PAK1: variants seen among roughly 807,000 people sequenced by gnomAD.
The protein encoded by PAK1 is p21 (RAC1) activated kinase 1.
A neutral mutation model predicts 67.4 loss-of-function variants in PAK1; 29 were observed. That is an observed-to-expected ratio of 0.43 (90% confidence interval 0.32 to 0.59). PAK1 has a LOEUF of 0.59. Among genes scored for constraint, PAK1 ranks in the 20% least tolerant of loss-of-function variants. The probability of loss-of-function intolerance (pLI) is 0.07; values close to 1 mark genes in which losing one functional copy is unlikely to be tolerated. For missense variants in PAK1, 337 were observed against 670.7 expected, an observed-to-expected ratio of 0.50 and a Z score of 5.50; for synonymous variants, 223 against 237.4, an observed-to-expected ratio of 0.94 and a Z score of 0.56.
the PAK1 span, among the ~76,000 whole-genome samples, chr11:77,498,262 A>G: frequency 4.9e-3 from 752 of 152,342 alleles, 5 homozygotes; most frequent in Non-Finnish European, 8.5e-3. Flanking sequence ...AACTTTCTGA[A>G]CTATCGTTCT....
chr11:77,416,869 T>TGTGAAACCAGGAGGCGGAGCTTGCA (rs1565688010), intron 1 of PAK1, among the ~76,000 whole-genome samples: 2 of 151,674 alleles, frequency 1.3e-5, no homozygotes, highest in African/African-American at 4.9e-5. Context: ...AGGAGAATGG[T>TGTGAAACCAGGAGGCGGAGCTTGCA]GTGAAACCAG....
intron 1 of PAK1, among the ~76,000 whole-genome samples, chr11:77,420,616 T>A (rs1003992144): frequency 6.6e-6 from 1 of 151,510 alleles, no homozygotes; most frequent in African/African-American, 2.4e-5. Flanking sequence ...GTATCAACTA[T>A]ACCTTCAAAA....
chr11:77,509,919 C>T, the PAK1 span, among the ~76,000 whole-genome samples: 3 of 152,148 alleles, frequency 2.0e-5, no homozygotes, highest in African/African-American at 4.8e-5. Flanking sequence ...TATAAGTTAC[C>T]CAGTCTCAGG....
chr11:77,328,941 A>T (rs552550709), intron 14 of PAK1, among the ~76,000 whole-genome samples: 3 of 152,332 alleles, frequency 2.0e-5, no homozygotes, highest in Admixed American at 2.0e-4. Flanking sequence ...ATCAAAAATG[A>T]TAAAGGGGAG....
At chr11:77,376,066 A>G (rs1249909400) in intron 4 of PAK1, among the ~76,000 whole-genome samples, 1 of 152,226 alleles carries the variant, frequency 6.6e-6, no homozygotes, top group Admixed American at 6.5e-5. Flanking sequence ...TTTCTTGTCC[A>G]AAAGACTATA....
chr11:77,369,478 C>T (rs142974986), intron 5 of PAK1, among the ~76,000 whole-genome samples: 4 of 117,372 alleles, frequency 3.4e-5, no homozygotes, highest in South Asian at 2.8e-4. Flanking sequence ...GATGGAGTCT[C>T]GCTTCGTCAC....
intron 1 of PAK1, among the ~76,000 whole-genome samples, chr11:77,403,908 TGA>T (rs1953067650): frequency 1.3e-5 from 2 of 152,210 alleles, no homozygotes; most frequent in African/African-American, 4.8e-5. Context: ...TCTGGCCTCA[TGA>T]ATGGATTAAT....
At chr11:77,416,332 A>G (rs1433196480) in intron 1 of PAK1, among the ~76,000 whole-genome samples, 1 of 152,090 alleles carries the variant, frequency 6.6e-6, no homozygotes, top group Admixed American at 6.5e-5. Context: ...ACATAAACAC[A>G]CACTTTAGTC....
chr11:77,362,260 C>T (rs1946892891), intron 5 of PAK1, among the ~76,000 whole-genome samples: 1 of 152,162 alleles, frequency 6.6e-6, no homozygotes, highest in South Asian at 2.1e-4. Flanking sequence ...TTCTTTGTAA[C>T]TACTTTGTAA....
rs553447545 is a variant in PAK1 at position 77,466,811 on chromosome 11, T to C, written c.-22+6741A>G. On this transcript the variant is annotated intron_variant, in intron 1 of 14. Transcript: ENST00000356341. ...AGAAAAAGCATGATGAACTAAACAATCATAAGAACCTGGCTTCAGATCTTA... is the reference window on the plus strand; with the variant it reads ...AGAAAAAGCATGATGAACTAAACAACCATAAGAACCTGGCTTCAGATCTTA... Among the ~76,000 whole-genome samples, 3 of 152,206 alleles carry C rather than the reference T, an allele frequency of 2.0e-5. No individual in the cohort carries two copies. The South Asian group carries it at 6.2e-4, about 32-fold the overall frequency.
chr11:77,331,044 T>C (rs1185873551), intron 14 of PAK1, among the ~76,000 whole-genome samples: 1 of 152,212 alleles, frequency 6.6e-6, no homozygotes, highest in Non-Finnish European at 1.5e-5. Flanking sequence ...ATGCTCATCA[T>C]CACTGGCCAT....
chr11:77,331,402 T>C (rs1038442132), intron 14 of PAK1, among the ~76,000 whole-genome samples: 9 of 152,312 alleles, frequency 5.9e-5, no homozygotes, highest in South Asian at 2.1e-4. Flanking sequence ...CCAACAACGA[T>C]AGACTGGATT....
At chr11:77,478,161 A>G (rs1057429029), upstream of PAK1, among the ~76,000 whole-genome samples, 1 of 152,238 alleles carries the variant, frequency 6.6e-6, no homozygotes, top group Non-Finnish European at 1.5e-5. Flanking sequence ...GCTAGAGTAC[A>G]CAGAGAAAAC....
chr11:77,493,353 A>T, the PAK1 span, among the ~76,000 whole-genome samples: 1 of 139,916 alleles, frequency 7.1e-6, no homozygotes, highest in African/African-American at 2.8e-5. Context: ...ATCTTGGCTC[A>T]CTACAACCTC....
chr11:77,374,330 A>C lies in PAK1; in HGVS notation c.475T>G (p.Leu159Val), dbSNP rs1454012088. The change falls in exon 5 of 15, where the codon TTG becomes GTG. Residue 159 changes from leucine (L) to valine (V), a missense_variant and splice_region_variant. Leu to Val is a conservative substitution (Grantham distance 32). This residue lies in a region of PAK1 where 150 missense variants were observed against 179.0 expected (regional missense o/e 0.84). Transcript: ENST00000356341. ...AAATAGAGTAAATAAAGACTTACCA[A>C]GGCATTAGAAGAATTGTAATCCTCA... Reference protein sequence around the residue: ...SAEDYNSSNALNVKAVSETPA... With the variant: ...SAEDYNSSNAVNVKAVSETPA... 6.3e-7 allele frequency: 1 copy of C among 1,581,932 alleles called. No individual in the cohort carries two copies. Among genetic ancestry groups the C allele is most frequent in the Non-Finnish European group, 8.7e-7 (1 of 1,150,670 alleles).
At chr11:77,479,063 C>G (rs139396155), upstream of PAK1, among the ~76,000 whole-genome samples, 3 of 145,178 alleles carry the variant, frequency 2.1e-5, no homozygotes, top group Admixed American at 7.2e-5. Context: ...CCAGCCTAGG[C>G]GGCCGAGCAA....
intron 11 of PAK1, among the ~76,000 whole-genome samples, chr11:77,338,360 A>T (rs923764482): frequency 1.1e-4 from 17 of 152,218 alleles, no homozygotes; most frequent in African/African-American, 4.1e-4. Flanking sequence ...CCAATGGCTA[A>T]AGTAAGAATA....
At chr11:77,391,498 C>G (rs529593312) in intron 2 of PAK1, among the ~76,000 whole-genome samples, 11 of 143,648 alleles carry the variant, frequency 7.7e-5, no homozygotes, top group Admixed American at 2.0e-4. Flanking sequence ...CTCATGGTAA[C>G]TACTTACACA....
intron 1 of PAK1, among the ~76,000 whole-genome samples, chr11:77,452,747 G>A (rs721382): frequency 0.7 from 106,055 of 152,116 alleles, 37,781 homozygotes; most frequent in African/African-American, 0.84. Context: ...AAAGAAAGAA[G>A]AAGCCATAAG....
Sources: gnomAD v4.1 joint callset for allele counts (sites outside exome capture counted in the v4.1 genomes callset) on GRCh38, gnomAD v4.1.1 for gene constraint, gnomAD v4.1.1 regional missense constraint, MANE v1.5 for transcripts, NCBI Gene and HGNC (gene_info 2026-07-23, HGNC 2026-07-21) for gene names.